The following NETO1 variants were observed in gnomAD, a reference collection of about 807,000 sequenced individuals.
NETO1 encodes neuropilin and tolloid like 1, also known as neuropilin and tolloid-like protein 1.
Under a neutral mutation model 61.3 loss-of-function variants are expected in NETO1, and 26 were observed. The ratio of observed to expected loss-of-function variants is 0.42; its 90% CI spans 0.31 to 0.59. The LOEUF is 0.59. Ranked by LOEUF, NETO1 falls within the 20% of genes least tolerant of loss-of-function variation. NETO1 has a pLI of 0.12. For synonymous variants in NETO1, 225 were observed against 225.8 expected, an observed-to-expected ratio of 1.00 and a Z score of 0.03; for missense variants, 531 against 662.8, an observed-to-expected ratio of 0.80 and a Z score of 2.18.
At chr18:72,826,687 A>G (rs545567322) in intron 4 of NETO1, among the ~76,000 whole-genome samples, 1 of 152,320 alleles carries the variant, frequency 6.6e-6, no homozygotes, top group East Asian at 1.9e-4. Context: ...TTCAAAAACA[A>G]CAAGTTACAC....
chr18:72,867,340 G>A lies in NETO1; in HGVS notation c.-49C>T, dbSNP rs977184051. The A allele has an allele frequency of 6.6e-7, 1 of 1,519,234 alleles. No homozygotes were observed. The highest frequency in any genetic ancestry group is 8.9e-7 in the Non-Finnish European group (1 of 1,126,048). The allele number at this position is 1,519,234 out of a possible 1,614,324, so 94.1% of individuals were successfully genotyped here. A position where few individuals can be genotyped will look rare whatever the true frequency, so the allele number is the denominator to read the frequency against. ...CCGGGCTCCACTAATTCCATTTAGAGACGGGAAGACTTCCAGTGGCGGGGG... is the reference window on the plus strand; with the variant it reads ...CCGGGCTCCACTAATTCCATTTAGAAACGGGAAGACTTCCAGTGGCGGGGG... On this transcript the variant is annotated 5_prime_UTR_variant, in exon 1 of 11. Transcript: ENST00000327305.
rs1447916276 is a variant in NETO1, at chr18:72,867,427, G to A, written c.-136C>T. 9.4e-6 allele frequency: 5 copies of A among 530,210 alleles called. No homozygotes were observed. The highest frequency in any genetic ancestry group is 5.9e-5 in the African/African-American group (3 of 50,528). 32.8% of individuals were successfully genotyped at this position (530,210 alleles called of 1,614,324 possible). ...AGAAGGAAATAAAGGGGGGCCGAGAGGGAGACCGAGAGGAAGGGGGAGCTC... is the reference window on the plus strand; with the variant it reads ...AGAAGGAAATAAAGGGGGGCCGAGAAGGAGACCGAGAGGAAGGGGGAGCTC... On this transcript the variant is annotated 5_prime_UTR_variant, in exon 1 of 11. Coordinates refer to ENST00000327305, the MANE Select transcript of NETO1 (RefSeq NM_138966.5).
At chr18:72,860,992 G>A (rs1029944547) in intron 3 of NETO1, among the ~76,000 whole-genome samples, 1 of 152,124 alleles carries the variant, frequency 6.6e-6, no homozygotes, top group Non-Finnish European at 1.5e-5. Context: ...TTTAAATAAC[G>A]TAAGGCTAGG....
intron 4 of NETO1, among the ~76,000 whole-genome samples, chr18:72,824,258 C>T (rs1037394206): frequency 6.6e-6 from 1 of 152,216 alleles, no homozygotes; most frequent in African/African-American, 2.4e-5. Flanking sequence ...TAAAGAACTA[C>T]TACATTCAAA....
At position 72,820,577 on chromosome 18, in the gene NETO1, T is replaced by G. The variant is rs188153429; in HGVS notation, c.470-26173A>C. On this transcript the variant is annotated intron_variant, in intron 4 of 10. Transcript: ENST00000327305. Reference sequence around the variant, plus strand: ...AAAGGTATCACCTTGACTGGGCCACTTGGCCGGGGGGTGATCTCTGGACCT... The same window carrying G: ...AAAGGTATCACCTTGACTGGGCCACGTGGCCGGGGGGTGATCTCTGGACCT... Among the ~76,000 whole-genome samples the G allele has an allele frequency of 5.2e-3, 795 of 152,334 alleles. 7 individuals are homozygous for G. The highest frequency in any genetic ancestry group is 0.018 in the African/African-American group (739 of 41,572).
chr18:72,841,217 A>C (rs987087538), intron 4 of NETO1, among the ~76,000 whole-genome samples: 1 of 152,170 alleles, frequency 6.6e-6, no homozygotes, highest in African/African-American at 2.4e-5. Context: ...GAGAAGCTTG[A>C]ACAAAATTTG....
At chr18:72,785,006 G>A (rs1322351978) in intron 6 of NETO1, among the ~76,000 whole-genome samples, 1 of 152,220 alleles carries the variant, frequency 6.6e-6, no homozygotes, top group Non-Finnish European at 1.5e-5. Flanking sequence ...CATGCACTTT[G>A]AGAGGGATAC....
intron 4 of NETO1, among the ~76,000 whole-genome samples, chr18:72,854,743 A>G (rs532171958): frequency 6.6e-6 from 1 of 152,338 alleles, no homozygotes; most frequent in East Asian, 1.9e-4. Flanking sequence ...CTAAAAATTC[A>G]TTAAATATTA....
In NETO1 at chr18:72,794,041, G is replaced by A. The variant is rs1347046109; in HGVS notation, c.639+76C>T. ...CTCTGAAATGTATTAGACACGTCCA[G>A]TTGCTTCAAAGCAATGCTTGTTATA... On this transcript the variant is annotated intron_variant, in intron 6 of 10. Coordinates refer to ENST00000327305, the MANE Select transcript of NETO1 (RefSeq NM_138966.5). 5 of 1,582,218 alleles carry A rather than the reference G, an allele frequency of 3.2e-6. No homozygotes were observed. The East Asian group carries it at 9.0e-5, about 28-fold the overall frequency.
At chr18:72,774,285 T>C (rs921685117) in intron 7 of NETO1, among the ~76,000 whole-genome samples, 1 of 152,168 alleles carries the variant, frequency 6.6e-6, no homozygotes, top group Non-Finnish European at 1.5e-5. Flanking sequence ...AAACAAAGAA[T>C]AAGATTGGCT....
At chr18:72,753,746 C>T (rs181563706) in intron 8 of NETO1, among the ~76,000 whole-genome samples, 11 of 152,190 alleles carry the variant, frequency 7.2e-5, no homozygotes, top group East Asian at 3.9e-4. Flanking sequence ...TGTATATAAT[C>T]GTAATGTTGG....
At chr18:72,781,695 T>C (rs1263828339) in intron 7 of NETO1, among the ~76,000 whole-genome samples, 2 of 152,212 alleles carry the variant, frequency 1.3e-5, no homozygotes, top group African/African-American at 2.4e-5. Context: ...TCTAACACAC[T>C]TAACATTTAC....
At chr18:72,786,019 A>G (rs954072150) in intron 6 of NETO1, among the ~76,000 whole-genome samples, 4 of 152,172 alleles carry the variant, frequency 2.6e-5, no homozygotes, top group Non-Finnish European at 4.4e-5. Context: ...AGTGGTATAT[A>G]TTTTTGTATT....
rs745312225 is a variant in NETO1, at chr18:72,858,843, C to G, written c.452G>C (p.Arg151Pro). Residue 151 changes from arginine (R) to proline (P), a missense_variant, in exon 4 of 11, where the codon CGA becomes CCA. Coordinates refer to ENST00000327305, the MANE Select transcript of NETO1 (RefSeq NM_138966.5). ...TTACTTACCAGGTGTGAAATTGTAT[C>G]GAGCTGAAAATCCCATAGATTCCAG... ...GELESMGFSA[R>P]YNFTPDPDFK... 6.2e-7 allele frequency: 1 copy of G among 1,610,340 alleles called. No homozygotes were observed. Among genetic ancestry groups the G allele is most frequent in the Non-Finnish European group, 8.5e-7 (1 of 1,178,648 alleles).
intron 3 of NETO1, among the ~76,000 whole-genome samples, chr18:72,862,219 C>G (rs1006228739): frequency 1.3e-5 from 2 of 152,186 alleles, no homozygotes; most frequent in Non-Finnish European, 2.9e-5. Flanking sequence ...GGGGCTCTAT[C>G]TAAGGTTAAT....
chr18:72,858,173 TAATC>T (rs1183905357), intron 4 of NETO1, among the ~76,000 whole-genome samples: 1 of 152,194 alleles, frequency 6.6e-6, no homozygotes, highest in African/African-American at 2.4e-5. Context: ...TGGTAACTCT[TAATC>T]AAGTGGGCCA....
chr18:72,839,959 CA>C (rs2073875671), intron 4 of NETO1, among the ~76,000 whole-genome samples: 1 of 152,194 alleles, frequency 6.6e-6, no homozygotes, highest in African/African-American at 2.4e-5. Context: ...TTAATAAATG[CA>C]TGAACTATAG....
At chr18:72,778,021 C>T (rs1202850757) in intron 7 of NETO1, among the ~76,000 whole-genome samples, 1 of 152,160 alleles carries the variant, frequency 6.6e-6, no homozygotes, top group Non-Finnish European at 1.5e-5. Flanking sequence ...GGCAGCCATG[C>T]CCCCACAGCT....
chr18:72,834,155 TA>T (rs1276712915), intron 4 of NETO1: 1 of 748,820 alleles, frequency 1.3e-6, no homozygotes, highest in Non-Finnish European at 1.6e-6. Flanking sequence ...TATTTTTGTT[TA>T]AAAAACATTT....
Sources: allele counts gnomAD v4.1 joint callset (sites outside exome capture counted in the v4.1 genomes callset), GRCh38; gene constraint gnomAD v4.1.1; transcripts MANE v1.5; gene names NCBI Gene and HGNC (gene_info 2026-07-23, HGNC 2026-07-21).